Variants in ERC2 observed in about 807,000 individuals in gnomAD.
ERC2 encodes ERC protein 2.
In ERC2, 42 loss-of-function variants were observed where a neutral mutation model predicts 114.8. That is an observed-to-expected ratio of 0.37 (90% CI 0.29 to 0.47). The LOEUF (loss-of-function observed/expected upper bound fraction) is 0.47, where lower values mean the gene tolerates loss of function less well. ERC2 is among the 20% of genes least tolerant of loss of function. The pLI, the probability that ERC2 is intolerant of heterozygous loss-of-function variation, is 0.99. For missense variants in ERC2, 939 were observed against 1,150.7 expected (o/e 0.82, Z 2.66); for synonymous variants, 454 against 425.5 (o/e 1.07, Z -0.82).
At chr3:56,089,462 A>C (rs1205020229) in intron 6 of ERC2, among the ~76,000 whole-genome samples, 1 of 152,214 alleles carries the variant, frequency 6.6e-6, no homozygotes, top group Non-Finnish European at 1.5e-5. Context: ...AGTAAAAAGA[A>C]ACATTGAAAT....
intron 6 of ERC2, among the ~76,000 whole-genome samples, chr3:56,083,390 G>C (rs74890368): frequency 2.0e-5 from 3 of 152,158 alleles, no homozygotes; most frequent in Non-Finnish European, 4.4e-5. Flanking sequence ...CAGTTGCCTG[G>C]GGTGGAAGCT....
intron 17 of ERC2, among the ~76,000 whole-genome samples, chr3:55,611,525 T>A (rs2058908131): frequency 6.6e-6 from 1 of 152,196 alleles, no homozygotes; most frequent in Non-Finnish European, 1.5e-5. Flanking sequence ...TTCTAGCAGT[T>A]TCTTTCTCTA....
intron 3 of ERC2, among the ~76,000 whole-genome samples, chr3:56,247,223 C>CG (rs371655985): frequency 1.3e-5 from 2 of 152,054 alleles, no homozygotes; most frequent in African/African-American, 4.8e-5. Context: ...TTCAACTAAG[C>CG]GGGGGGTGGG....
At chr3:56,335,855 C>T (rs1039316498) in intron 2 of ERC2, among the ~76,000 whole-genome samples, 3 of 152,108 alleles carry the variant, frequency 2.0e-5, no homozygotes, top group African/African-American at 7.2e-5. Flanking sequence ...AAGCTGTGTG[C>T]CAAGTGTGCG....
chr3:55,961,762 T>TA (rs1302254015), intron 12 of ERC2, among the ~76,000 whole-genome samples: 1 of 151,292 alleles, frequency 6.6e-6, no homozygotes, highest in Non-Finnish European at 1.5e-5. Context: ...TTTGCTCTCT[T>TA]ACATCTGTTT....
chr3:56,091,676 T>C (rs2077800557), intron 6 of ERC2, among the ~76,000 whole-genome samples: 1 of 152,196 alleles, frequency 6.6e-6, no homozygotes, highest in Non-Finnish European at 1.5e-5. Context: ...GGAGAGGACA[T>C]CGACATTGTT....
At chr3:55,987,713 G>GA (rs1490617974) in intron 11 of ERC2, among the ~76,000 whole-genome samples, 1 of 152,110 alleles carries the variant, frequency 6.6e-6, no homozygotes, top group Admixed American at 6.5e-5. Context: ...CAAATCAGAA[G>GA]AAAAAATAAC....
intron 7 of ERC2, among the ~76,000 whole-genome samples, chr3:56,068,385 T>A (rs567283218): frequency 2.6e-5 from 4 of 152,304 alleles, no homozygotes; most frequent in East Asian, 3.9e-4. Flanking sequence ...AGTGGTGATA[T>A]CTCCTTTATC....
rs149901392 is a variant in ERC2 at position 56,213,928 on chromosome 3, C to T, written c.1075-40408G>A. On this transcript the variant is annotated intron_variant, in intron 3 of 17. Transcript: ENST00000288221. ...TGGACCTCCAGCAAACTCCAACAGA[C>T]CTGCAGCTGAAGGTCCTGACTGCTA... 2.8e-3 allele frequency among the ~76,000 whole-genome samples: 422 copies of T among 152,292 alleles called. 1 individual carries two copies. Among genetic ancestry groups the T allele is most frequent in the African/African-American group, 9.8e-3 (408 of 41,544 alleles).
chr3:55,538,761 T>G (rs2054169703), intron 17 of ERC2, among the ~76,000 whole-genome samples: 1 of 152,238 alleles, frequency 6.6e-6, no homozygotes, highest in Non-Finnish European at 1.5e-5. Context: ...AACCGATTGT[T>G]TCTTTTCCAC....
chr3:56,429,089 C>A (rs2061687792), intron 2 of ERC2, among the ~76,000 whole-genome samples: 3 of 152,144 alleles, frequency 2.0e-5, no homozygotes, highest in African/African-American at 7.2e-5. Context: ...TCTTATGTAC[C>A]AAACTACAAC....
At chr3:55,513,964 A>G (rs770895462) in intron 17 of ERC2, among the ~76,000 whole-genome samples, 1 of 152,218 alleles carries the variant, frequency 6.6e-6, no homozygotes, top group Non-Finnish European at 1.5e-5. Context: ...TCAGGTAGGC[A>G]GAATCCTTAA....
intron 3 of ERC2, 104 bp downstream of exon 3, chr3:56,295,915 A>C: frequency 7.9e-7 from 1 of 1,269,256 alleles, no homozygotes; most frequent in Non-Finnish European, 1.1e-6. Context: ...TGACAAAGGG[A>C]ATTTTGTTAA....
At chr3:55,547,291 G>A (rs2054824274) in intron 17 of ERC2, among the ~76,000 whole-genome samples, 1 of 152,240 alleles carries the variant, frequency 6.6e-6, no homozygotes, top group South Asian at 2.1e-4. Context: ...CATCGGCCAG[G>A]TCTGGATAGT....
chr3:55,816,691 G>A (rs370901866), intron 14 of ERC2, among the ~76,000 whole-genome samples: 15 of 152,180 alleles, frequency 9.9e-5, no homozygotes, highest in African/African-American at 2.9e-4. Flanking sequence ...GGCTGTGATT[G>A]CAAAACAGGA....
chr3:55,986,067 A>G (rs1162831015), intron 11 of ERC2, 79 bp from the exon 12 acceptor site: 8 of 1,338,342 alleles, frequency 6.0e-6, no homozygotes, highest in Non-Finnish European at 8.3e-6. Flanking sequence ...AATAAAAGGA[A>G]GGAAATGCAT....
intron 14 of ERC2, among the ~76,000 whole-genome samples, chr3:55,831,171 G>A (rs1015422767): frequency 1.3e-5 from 2 of 149,264 alleles, no homozygotes; most frequent in Admixed American, 1.3e-4. Flanking sequence ...AATTAGCCAG[G>A]CAGGGTGGCA....
At chr3:56,262,499 T>A (rs2053007458) in intron 3 of ERC2, among the ~76,000 whole-genome samples, 1 of 152,238 alleles carries the variant, frequency 6.6e-6, no homozygotes, top group South Asian at 2.1e-4. Flanking sequence ...AGTATACTTT[T>A]GGCAAACTGA....
At chr3:55,705,507 T>C (rs2063435510) in intron 15 of ERC2, among the ~76,000 whole-genome samples, 1 of 152,196 alleles carries the variant, frequency 6.6e-6, no homozygotes, top group Admixed American at 6.5e-5. Context: ...CATCAACCTG[T>C]GGCATTTGGA....
Sources: allele counts gnomAD v4.1 joint callset (sites outside exome capture counted in the v4.1 genomes callset), GRCh38; gene constraint gnomAD v4.1.1; transcripts MANE v1.5; gene names NCBI Gene and HGNC (gene_info 2026-07-23, HGNC 2026-07-21).